The following TOGARAM1 variants were observed in gnomAD, a reference collection of about 807,000 sequenced individuals.
TOGARAM1 encodes the protein TOG array regulator of axonemal microtubules protein 1.
In TOGARAM1, 100 loss-of-function variants were observed where a neutral mutation model predicts 166.6. The ratio of observed to expected loss-of-function variants is 0.60; its 90% CI spans 0.51 to 0.71. The LOEUF (loss-of-function observed/expected upper bound fraction) is 0.71. Among genes scored for constraint, TOGARAM1 ranks in the 30% least tolerant of loss-of-function variants. The probability of loss-of-function intolerance (pLI) is 0.00; values close to 1 mark genes in which losing one functional copy is unlikely to be tolerated. For missense variants in TOGARAM1, 2,029 were observed against 2,102.7 expected (o/e 0.96, Z 0.69); for synonymous variants, 758 against 763.8 (o/e 0.99, Z 0.13).
chr14:45,047,551 C>A (rs1882134857), intron 14 of TOGARAM1, among the ~76,000 whole-genome samples: 2 of 152,074 alleles, frequency 1.3e-5, no homozygotes, highest in Non-Finnish European at 2.9e-5. Flanking sequence ...AAAAACAACA[C>A]AATAATTAAG....
intron 1 of TOGARAM1, among the ~76,000 whole-genome samples, chr14:44,970,534 CT>C (rs1425314761): frequency 6.6e-6 from 1 of 151,942 alleles, no homozygotes; most frequent in Admixed American, 6.6e-5. Flanking sequence ...CTTTTTATTC[CT>C]TTTCTTGTCT....
In TOGARAM1 at chr14:45,026,801, C is replaced by G. The variant is rs147539360; in HGVS notation, c.3329-498C>G. On this transcript the variant is annotated intron_variant, in intron 8 of 19. Coordinates refer to ENST00000361462, the MANE Select transcript of TOGARAM1 (RefSeq NM_001308120.2). Reference sequence around the variant, plus strand: ...TCACTTGAACTCAAGAGTTCAAGACCAGCCTGGACAACATGGCAAAACCCC... The same window carrying G: ...TCACTTGAACTCAAGAGTTCAAGACGAGCCTGGACAACATGGCAAAACCCC... Among the ~76,000 whole-genome samples the G allele has an allele frequency of 4.0e-4, 61 of 151,236 alleles. No individual in the cohort carries two copies. The East Asian group carries it at 0.011, about 28-fold the overall frequency.
In TOGARAM1 at chr14:45,071,215, C is replaced by T. The variant is rs574910679; in HGVS notation, c.4970-497C>T. On this transcript the variant is annotated intron_variant, in intron 18 of 19. Coordinates refer to ENST00000361462, the MANE Select transcript of TOGARAM1 (RefSeq NM_001308120.2). Reference sequence around the variant, plus strand: ...GATTACAGGCATGAGCCACCACACCCGGCTGCTTTTTCTGTTTTTTGATAA... The same window carrying T: ...GATTACAGGCATGAGCCACCACACCTGGCTGCTTTTTCTGTTTTTTGATAA... 7.9e-5 allele frequency among the ~76,000 whole-genome samples: 12 copies of T among 152,034 alleles called. No homozygotes were observed. The South Asian group carries it at 1.7e-3, about 21-fold the overall frequency.
intron 17 of TOGARAM1, among the ~76,000 whole-genome samples, chr14:45,068,196 G>C (rs1463507469): frequency 6.6e-6 from 1 of 152,044 alleles, no homozygotes; most frequent in African/African-American, 2.4e-5. Context: ...GATGTCTTTT[G>C]GGGTGATTTT....
At position 45,073,649 on chromosome 14, in the gene TOGARAM1, C is replaced by A; in HGVS notation, c.*88C>A. On this transcript the variant is annotated 3_prime_UTR_variant, in exon 20 of 20. Transcript: ENST00000361462. ...AAAAGTTATGTTATCAGTGCCTGCA[C>A]TTCACATCCAGCAAATTAAGTCAAT... is the stretch of plus-strand genomic sequence containing the variant. 1 of 1,254,366 alleles carries A rather than the reference C, an allele frequency of 8.0e-7. No homozygotes were observed. Among genetic ancestry groups the A allele is most frequent in the Non-Finnish European group, 1.1e-6 (1 of 918,134 alleles). 77.7% of individuals were successfully genotyped at this position (1,254,366 alleles called of 1,614,324 possible). A position where few individuals can be genotyped will look rare whatever the true frequency, so the allele number is the denominator to read the frequency against.
intron 16 of TOGARAM1, among the ~76,000 whole-genome samples, chr14:45,061,717 T>A (rs1296469013): frequency 6.6e-6 from 1 of 151,638 alleles, no homozygotes; most frequent in Non-Finnish European, 1.5e-5. Context: ...TAGCCCCACT[T>A]GGTGATGATG....
At chr14:45,026,596 C>T (rs1880854476) in intron 8 of TOGARAM1, among the ~76,000 whole-genome samples, 1 of 152,128 alleles carries the variant, frequency 6.6e-6, no homozygotes, top group Admixed American at 6.6e-5. Context: ...TTCAACTCTG[C>T]ATGTAAACAT....
chr14:44,987,565 A>C (rs1886897472), intron 1 of TOGARAM1, among the ~76,000 whole-genome samples: 1 of 151,894 alleles, frequency 6.6e-6, no homozygotes, highest in African/African-American at 2.4e-5. Context: ...ATACCATCTC[A>C]CACCAGTTAG....
rs527591561 is a variant in TOGARAM1 at position 45,024,021 on chromosome 14, G to A, written c.3239-1762G>A. The stretch of plus-strand genomic sequence containing the variant: ...CCCACAAAGTGCTGGGATTACAGGC[G>A]TGAGCCACCATGCCTGGCCCCATAG... On this transcript the variant is annotated intron_variant, in intron 7 of 19. Transcript: ENST00000361462. Among the ~76,000 whole-genome samples the A allele has an allele frequency of 7.9e-5, 12 of 152,206 alleles. No homozygotes were observed. The East Asian group carries it at 1.7e-3, about 22-fold the overall frequency.
At position 45,010,183 on chromosome 14, in the gene TOGARAM1, C is replaced by G. The variant is rs1047125354; in HGVS notation, c.3137+1038C>G. Among the ~76,000 whole-genome samples, 9 of 135,314 alleles carry G rather than the reference C, an allele frequency of 6.7e-5. 1 individual carries two copies. The highest frequency in any genetic ancestry group is 2.2e-4 in the African/African-American group (6 of 27,878). 88.8% of individuals were successfully genotyped at this position (135,314 alleles called of 152,430 possible). A position where few individuals can be genotyped will look rare whatever the true frequency, so the allele number is the denominator to read the frequency against. The stretch of plus-strand genomic sequence containing the variant: ...AGGAGAGGTAGTGTTCTAAATAGAT[C>G]ATAATGTTTTATTCCAGCAGTTCAT... On this transcript the variant is annotated intron_variant, in intron 6 of 19. Coordinates refer to ENST00000361462, the MANE Select transcript of TOGARAM1 (RefSeq NM_001308120.2).
At chr14:45,026,219 A>G (rs987878287) in intron 8 of TOGARAM1, among the ~76,000 whole-genome samples, 5 of 152,166 alleles carry the variant, frequency 3.3e-5, no homozygotes, top group Non-Finnish European at 1.5e-5. Context: ...ATATAAATTA[A>G]TATAATTATC....
chr14:45,021,748 G>A (rs948743119), intron 7 of TOGARAM1, among the ~76,000 whole-genome samples: 1 of 152,156 alleles, frequency 6.6e-6, no homozygotes, highest in Non-Finnish European at 1.5e-5. Flanking sequence ...GAATCAGAAG[G>A]AAGGGGCTTG....
At position 45,046,441 on chromosome 14, in the gene TOGARAM1, A is replaced by G. The variant is rs1281803295; in HGVS notation, c.4155-104A>G. ...ACAGAGCAAGACCCTGTCCCAAAAA[A>G]CAAAACCAAAATACAAACAAACAAA... On this transcript the variant is annotated intron_variant, in intron 13 of 19. Transcript: ENST00000361462. 3.7e-6 allele frequency: 4 copies of G among 1,092,784 alleles called. 1 individual carries two copies. Among genetic ancestry groups the G allele is most frequent in the African/African-American group, 1.6e-5 (1 of 61,572 alleles). 67.7% of individuals were successfully genotyped at this position (1,092,784 alleles called of 1,614,324 possible).
intron 16 of TOGARAM1, among the ~76,000 whole-genome samples, chr14:45,066,317 T>C (rs942095626): frequency 6.6e-6 from 1 of 152,150 alleles, no homozygotes; most frequent in Non-Finnish European, 1.5e-5. Flanking sequence ...TGATTTTGTT[T>C]GGTATCCTTC....
intron 1 of TOGARAM1, among the ~76,000 whole-genome samples, chr14:44,994,277 C>G (rs558162867): frequency 1.5e-4 from 23 of 152,244 alleles, no homozygotes; most frequent in Admixed American, 1.4e-3. Flanking sequence ...GGCTACCATG[C>G]CTGGCTAATT....
Position 44,995,825 on chromosome 14 carries a change from G to C in TOGARAM1, c.2126G>C (p.Ser709Thr). The change falls in exon 2 of 20, where the codon AGC (serine) becomes ACC (threonine). Residue 709 changes from serine to threonine, a missense_variant. By Grantham distance (58) the Ser-to-Thr change is moderately conservative. Coordinates refer to ENST00000361462, the MANE Select transcript of TOGARAM1 (RefSeq NM_001308120.2). ...CCAGTCAATGATGATTTATGTTTTAGCAGAAAAAGAGTATCAAGAAACTTA... is the reference window on the plus strand; with the variant it reads ...CCAGTCAATGATGATTTATGTTTTACCAGAAAAAGAGTATCAAGAAACTTA... The part of the protein sequence containing the change: ...GMPVNDDLCF[S>T]RKRVSRNLFQ... 6.2e-6 allele frequency: 10 copies of C among 1,608,758 alleles called. No homozygotes were observed. Among genetic ancestry groups the C allele is most frequent in the Non-Finnish European group, 8.5e-6 (10 of 1,178,236 alleles).
chr14:45,005,971 A>G (rs1366373711), intron 4 of TOGARAM1, 37 bp from the exon 5 acceptor site: 1 of 1,505,486 alleles, frequency 6.6e-7, no homozygotes, highest in South Asian at 1.4e-5. Flanking sequence ...CTCTAAAATT[A>G]GAAAAAGAAA....
intron 14 of TOGARAM1, among the ~76,000 whole-genome samples, chr14:45,050,773 C>G (rs1209173104): frequency 2.0e-5 from 3 of 152,106 alleles, no homozygotes; most frequent in African/African-American, 7.2e-5. Flanking sequence ...TGCCACCATG[C>G]CTGGCTGATT....
At chr14:45,016,827 TATA>T (rs1248297444) in intron 7 of TOGARAM1, among the ~76,000 whole-genome samples, 1 of 152,246 alleles carries the variant, frequency 6.6e-6, no homozygotes, top group Non-Finnish European at 1.5e-5. Flanking sequence ...CAAAAAGTAC[TATA>T]ATGTTATAGT....
Sources: allele counts gnomAD v4.1 joint callset (sites outside exome capture counted in the v4.1 genomes callset), GRCh38; gene constraint gnomAD v4.1.1; transcripts MANE v1.5; gene names NCBI Gene and HGNC (gene_info 2026-07-23, HGNC 2026-07-21).